DAB1: variants seen among roughly 807,000 people sequenced by gnomAD.
DAB1 encodes the protein DAB adaptor protein 1.
In DAB1, 15 loss-of-function variants were observed where a neutral mutation model predicts 64.6. The observed-to-expected ratio is 0.23, with a 90% CI of 0.16 to 0.36. DAB1 has a LOEUF of 0.36. Ranked by LOEUF, DAB1 falls within the 10% of genes least tolerant of loss-of-function variation. The pLI is 1.00. For missense variants in DAB1, 596 were observed against 706.7 expected, an observed-to-expected ratio of 0.84 and a Z score of 1.78; for synonymous variants, 235 against 251.9, an observed-to-expected ratio of 0.93 and a Z score of 0.64.
intron 6 of DAB1, among the ~76,000 whole-genome samples, chr1:57,668,546 C>G (rs1399522684): frequency 3.3e-5 from 5 of 152,090 alleles, no homozygotes; most frequent in Non-Finnish European, 7.4e-5. Context: ...ATAAGTAAAT[C>G]TTAAGTGGGG....
intron 2 of DAB1, among the ~76,000 whole-genome samples, chr1:57,222,818 A>G (rs111790576): frequency 6.6e-6 from 1 of 152,216 alleles, no homozygotes; most frequent in African/African-American, 2.4e-5. Flanking sequence ...GAAATGAAGG[A>G]ATCATGTCTT....
intron 4 of DAB1, among the ~76,000 whole-genome samples, chr1:57,110,536 A>C (rs1655560059): frequency 6.6e-6 from 1 of 152,354 alleles, no homozygotes; most frequent in Non-Finnish European, 1.5e-5. Flanking sequence ...GGTTACATCT[A>C]TTAAAAACAA....
At chr1:57,840,091 G>A (rs1312994516) in intron 1 of DAB1, among the ~76,000 whole-genome samples, 1 of 152,198 alleles carries the variant, frequency 6.6e-6, no homozygotes, top group Non-Finnish European at 1.5e-5. Flanking sequence ...ATAGGAGACT[G>A]TTATTGATAA....
chr1:58,542,921 G>T (rs548268801), intron 1 of DAB1, among the ~76,000 whole-genome samples: 1 of 152,208 alleles, frequency 6.6e-6, no homozygotes, highest in Non-Finnish European at 1.5e-5. Context: ...TGTGTAAGTT[G>T]GGTCTACAGC....
chr1:58,381,207 C>T (rs898813028), intron 3 of DAB1, among the ~76,000 whole-genome samples: 1 of 151,906 alleles, frequency 6.6e-6, no homozygotes, highest in Admixed American at 6.6e-5. Context: ...GGCTTAATAC[C>T]CAGGTGATGG....
intron 3 of DAB1, among the ~76,000 whole-genome samples, chr1:58,490,510 A>G (rs1261529774): frequency 6.6e-6 from 1 of 152,204 alleles, no homozygotes; most frequent in Non-Finnish European, 1.5e-5. Context: ...CAAGTTGGAA[A>G]ACACTCTGCA....
At chr1:57,726,925 C>T (rs781445568) in intron 6 of DAB1, among the ~76,000 whole-genome samples, 5 of 152,206 alleles carry the variant, frequency 3.3e-5, no homozygotes, top group East Asian at 1.9e-4. Flanking sequence ...TAAAACTGGA[C>T]GCATAAGCTA....
At chr1:58,237,698 T>C (rs183973615) in intron 4 of DAB1, among the ~76,000 whole-genome samples, 10 of 152,346 alleles carry the variant, frequency 6.6e-5, no homozygotes, top group African/African-American at 2.4e-4. Flanking sequence ...TGCCTGATAG[T>C]GACTTCTATC....
upstream of DAB1, among the ~76,000 whole-genome samples, chr1:57,886,408 C>T (rs760565292): frequency 8.5e-5 from 13 of 152,232 alleles, no homozygotes; most frequent in East Asian, 5.8e-4. Context: ...CCACCTGCCT[C>T]GGCCTCCCAA....
intron 5 of DAB1, among the ~76,000 whole-genome samples, chr1:58,114,271 A>G (rs1652182163): frequency 1.3e-5 from 2 of 152,158 alleles, no homozygotes; most frequent in East Asian, 1.9e-4. Flanking sequence ...CAAAAAAGAA[A>G]AAAAGTTAAT....
chr1:58,372,015 C>T (rs1252180822), intron 3 of DAB1, among the ~76,000 whole-genome samples: 1 of 152,196 alleles, frequency 6.6e-6, no homozygotes, highest in African/African-American at 2.4e-5. Flanking sequence ...GGTTGGAGCC[C>T]CCACAGAGAG....
intron 7 of DAB1, among the ~76,000 whole-genome samples, chr1:57,560,635 G>T (rs1324660767): frequency 6.6e-6 from 1 of 152,168 alleles, no homozygotes; most frequent in Non-Finnish European, 1.5e-5. Context: ...TGCCAGTTTT[G>T]AGTAGGGTCC....
At position 58,300,019 on chromosome 1, in the gene DAB1, T is replaced by C. The variant is rs940444357; in HGVS notation, n.309+43333A>G. Among the ~76,000 whole-genome samples, 3 of 152,246 alleles carry C rather than the reference T, an allele frequency of 2.0e-5. No individual in the cohort carries two copies. In the South Asian group the frequency reaches 6.2e-4, roughly 32 times the overall value. On this transcript the variant is annotated intron_variant and non_coding_transcript_variant, in intron 4 of 20. Transcript: ENST00000485760. ...CTACTTCATTTATGGCTTAGCTCCA[T>C]GGAGTTGCTAAAAGAAAGGGTCACG...
chr1:58,101,903 A>G lies in DAB1; in HGVS notation n.387+48608T>C, dbSNP rs113949832. Among the ~76,000 whole-genome samples, 11 of 152,248 alleles carry G rather than the reference A, an allele frequency of 7.2e-5. 1 individual carries two copies. Among genetic ancestry groups the G allele is most frequent in the African/African-American group, 2.6e-4 (11 of 41,538 alleles). ...GTGACTGAGAGTTGGTTCCTCCAGGATCCAGGTTTGCAGGTCCTGGGCCAT... is the reference window on the plus strand; with the variant it reads ...GTGACTGAGAGTTGGTTCCTCCAGGGTCCAGGTTTGCAGGTCCTGGGCCAT... On this transcript the variant is annotated intron_variant and non_coding_transcript_variant, in intron 5 of 20. Transcript: ENST00000485760.
chr1:57,153,933 CT>C (rs992873839), intron 2 of DAB1, among the ~76,000 whole-genome samples: 9 of 152,320 alleles, frequency 5.9e-5, no homozygotes, highest in Admixed American at 5.9e-4. Context: ...GCCACCACCC[CT>C]GGCCGGTGTA....
In DAB1 at chr1:56,995,163, G is replaced by A. The variant is rs748824636; in HGVS notation, c.*2981C>T. ...CATGTAAAGATTGAAGAGCTATGGA[G>A]AATGGGGACAGAATGACAGGTGGTG... On this transcript the variant is annotated 3_prime_UTR_variant, in exon 15 of 15. Coordinates refer to ENST00000371236, the MANE Select transcript of DAB1 (RefSeq NM_001365792.1). 3.9e-5 allele frequency: 6 copies of A among 152,240 alleles called. No homozygotes were observed. The highest frequency in any genetic ancestry group is 5.9e-5 in the Non-Finnish European group (4 of 68,054). 9.4% of individuals were successfully genotyped at this position (152,240 alleles called of 1,614,324 possible).
chr1:57,377,071 A>G (rs1680956119), intron 1 of DAB1, among the ~76,000 whole-genome samples: 1 of 152,156 alleles, frequency 6.6e-6, no homozygotes, highest in African/African-American at 2.4e-5. Flanking sequence ...GGAATTTGAG[A>G]CCAGCCTGGC....
chr1:57,977,580 C>T (rs1570139771), intron 5 of DAB1, among the ~76,000 whole-genome samples: 2 of 152,282 alleles, frequency 1.3e-5, no homozygotes, highest in East Asian at 3.9e-4. Context: ...GAATTTGGCA[C>T]ATAGTGAACA....
At chr1:57,478,720 G>C (rs752763845) in intron 7 of DAB1, among the ~76,000 whole-genome samples, 3 of 148,564 alleles carry the variant, frequency 2.0e-5, no homozygotes, top group Non-Finnish European at 3.0e-5. Flanking sequence ...AGCCTCCCAA[G>C]TAGCTGGGAT....
Sources: allele counts gnomAD v4.1 joint callset (sites outside exome capture counted in the v4.1 genomes callset), GRCh38; gene constraint gnomAD v4.1.1; transcripts MANE v1.5; gene names NCBI Gene and HGNC (gene_info 2026-07-23, HGNC 2026-07-21).